Variants in TCF4 observed in about 807,000 individuals in gnomAD.
TCF4 encodes SL3-3 enhancer factor 2.
TCF4 carries 3 observed loss-of-function variants against 82.1 expected under a neutral mutation model. That is an observed-to-expected ratio of 0.04 (90% CI 0.02 to 0.09). The LOEUF (loss-of-function observed/expected upper bound fraction) is 0.09, where lower values mean the gene tolerates loss of function less well. Ranked by LOEUF, TCF4 falls within the 10% of genes least tolerant of loss-of-function variation. The pLI, the probability that TCF4 is intolerant of heterozygous loss-of-function variation, is 1.00. For synonymous variants in TCF4, 276 were observed against 309.6 expected (o/e 0.89, Z 1.14); for missense variants, 518 against 852.7 (o/e 0.61, Z 4.89).
chr18:55,332,684 C>T (rs903008895), intron 8 of TCF4, among the ~76,000 whole-genome samples: 9 of 152,192 alleles, frequency 5.9e-5, no homozygotes, highest in East Asian at 1.9e-4. Context: ...TTCCAGGAGG[C>T]GTGGCACTTA....
intron 2 of TCF4, among the ~76,000 whole-genome samples, chr18:55,607,558 TAAAC>T (rs368061220): frequency 1.3e-3 from 205 of 152,300 alleles, no homozygotes; most frequent in Non-Finnish European, 2.0e-3. Flanking sequence ...CCTAAGGGAC[TAAAC>T]AAAGATTTTG....
chr18:55,615,921 T>C (rs2097711280), intron 2 of TCF4, among the ~76,000 whole-genome samples: 1 of 152,178 alleles, frequency 6.6e-6, no homozygotes, highest in South Asian at 2.1e-4. Context: ...TTTAGAACTT[T>C]TATATCTGTG....
chr18:55,252,183 A>C (rs2055407160), intron 15 of TCF4, among the ~76,000 whole-genome samples: 1 of 152,072 alleles, frequency 6.6e-6, no homozygotes, highest in Admixed American at 6.6e-5. Flanking sequence ...AAGAAAGGAG[A>C]GAGACTGCAA....
chr18:55,298,672 T>C (rs2067223990), intron 8 of TCF4, among the ~76,000 whole-genome samples: 3 of 152,200 alleles, frequency 2.0e-5, no homozygotes, highest in Admixed American at 6.5e-5. Flanking sequence ...AATAACCAAA[T>C]AGCTACTACT....
At chr18:55,632,215 T>C (rs2097732262) in intron 1 of TCF4, among the ~76,000 whole-genome samples, 1 of 152,152 alleles carries the variant, frequency 6.6e-6, no homozygotes, top group Non-Finnish European at 1.5e-5. Flanking sequence ...ATTTTTTGTA[T>C]TTTTAGTAGA....
intron 3 of TCF4, among the ~76,000 whole-genome samples, chr18:55,554,958 CCTTT>C (rs2097291797): frequency 6.6e-6 from 1 of 152,104 alleles, no homozygotes; most frequent in Non-Finnish European, 1.5e-5. Context: ...TTTTTCCTTC[CCTTT>C]CTTTATTCAA....
At chr18:55,363,702 A>T (rs1291103972) in intron 6 of TCF4, among the ~76,000 whole-genome samples, 1 of 152,122 alleles carries the variant, frequency 6.6e-6, no homozygotes. Context: ...GCTATTAGAG[A>T]GGCTGAGGCA....
At position 55,465,070 on chromosome 18, in the gene TCF4, C is replaced by A. The variant is rs140843907; in HGVS notation, c.146-933G>T. 4.7e-4 allele frequency among the ~76,000 whole-genome samples: 72 copies of A among 152,216 alleles called. 1 individual carries two copies. Among genetic ancestry groups the A allele is most frequent in the African/African-American group, 1.5e-3 (63 of 41,536 alleles). ...GGCTGTGAGATTTTTGATGAAAGGG[C>A]CTTCATAAGTATAAAAAGTTTCACT... On this transcript the variant is annotated intron_variant, in intron 3 of 19. Transcript: ENST00000354452.
chr18:55,583,330 T>C (rs554630043), intron 3 of TCF4, among the ~76,000 whole-genome samples: 1 of 152,148 alleles, frequency 6.6e-6, no homozygotes, highest in Admixed American at 6.5e-5. Context: ...TGCATGAACA[T>C]ATGTGTGTAT....
At chr18:55,235,646 G>A (rs922422413) in intron 15 of TCF4, among the ~76,000 whole-genome samples, 11 of 152,276 alleles carry the variant, frequency 7.2e-5, no homozygotes, top group African/African-American at 1.9e-4. Context: ...GCCTTCAAGC[G>A]AAAACATGAA....
At chr18:55,407,773 T>C (rs904520427) in intron 5 of TCF4, among the ~76,000 whole-genome samples, 12 of 152,188 alleles carry the variant, frequency 7.9e-5, no homozygotes, top group Non-Finnish European at 1.2e-4. Context: ...CAAATGTCTA[T>C]AGAATTTCAA....
chr18:55,519,209 G>A (rs1419768685), intron 3 of TCF4, among the ~76,000 whole-genome samples: 1 of 152,156 alleles, frequency 6.6e-6, no homozygotes, highest in Non-Finnish European at 1.5e-5. Context: ...AAGGCATGCA[G>A]ATCACTTGAG....
At chr18:55,322,986 A>T (rs561751049) in intron 8 of TCF4, among the ~76,000 whole-genome samples, 139 of 152,334 alleles carry the variant, frequency 9.1e-4, no homozygotes, top group African/African-American at 3.0e-3. Flanking sequence ...AACTTTAAGA[A>T]CGTGAAAACC....
intron 2 of TCF4, among the ~76,000 whole-genome samples, chr18:55,622,925 G>A (rs2097722970): frequency 6.6e-6 from 1 of 150,732 alleles, no homozygotes; most frequent in Non-Finnish European, 1.5e-5. Context: ...GTGGGAGTGG[G>A]GGAAATGGGA....
chr18:55,496,379 C>T (rs923071898), intron 3 of TCF4: 3 of 150,698 alleles, frequency 2.0e-5, no homozygotes, highest in Admixed American at 6.6e-5. Flanking sequence ...ATATTCAATA[C>T]CTATGTGTTC....
chr18:55,576,650 T>A (rs1035271509), intron 3 of TCF4, among the ~76,000 whole-genome samples: 1 of 152,180 alleles, frequency 6.6e-6, no homozygotes, highest in Non-Finnish European at 1.5e-5. Context: ...CCTTCAAGGA[T>A]TAGAATTGAG....
chr18:55,576,207 C>T (rs1213902576), intron 3 of TCF4, among the ~76,000 whole-genome samples: 1 of 152,102 alleles, frequency 6.6e-6, no homozygotes, highest in East Asian at 1.9e-4. Context: ...TGCAAAAGAA[C>T]CTAGATTTCC....
intron 2 of TCF4, among the ~76,000 whole-genome samples, chr18:55,594,256 G>A (rs922825839): frequency 5.3e-5 from 8 of 152,130 alleles, no homozygotes; most frequent in Non-Finnish European, 1.2e-4. Context: ...TAACTATTCT[G>A]TCTAAAGTAA....
At chr18:55,367,159 A>T (rs946243872) in intron 6 of TCF4, among the ~76,000 whole-genome samples, 1 of 152,232 alleles carries the variant, frequency 6.6e-6, no homozygotes, top group African/African-American at 2.4e-5. Context: ...TTCAGCACAC[A>T]GCTCTAAAAT....
Sources: allele counts gnomAD v4.1 joint callset (sites outside exome capture counted in the v4.1 genomes callset), GRCh38; gene constraint gnomAD v4.1.1; transcripts MANE v1.5; gene names NCBI Gene and HGNC (gene_info 2026-07-23, HGNC 2026-07-21).